The following FRMPD4 variants were observed in gnomAD, a reference collection of about 807,000 sequenced individuals.
FRMPD4 encodes the protein FERM and PDZ domain-containing protein 4.
FRMPD4 carries 22 observed loss-of-function variants against 94.1 expected under a neutral mutation model. That is an observed-to-expected ratio of 0.23 (90% CI 0.17 to 0.33). The LOEUF (loss-of-function observed/expected upper bound fraction) is 0.33, where lower values mean the gene tolerates loss of function less well. Among genes scored for constraint, FRMPD4 ranks in the 10% least tolerant of loss-of-function variants. The probability of loss-of-function intolerance (pLI) is 1.00; values close to 1 mark genes in which losing one functional copy is unlikely to be tolerated. For synonymous variants in FRMPD4, 631 were observed against 548.6 expected (o/e 1.15, Z -2.10); for missense variants, 1,111 against 1,339.9 (o/e 0.83, Z 2.67).
At chrX:12,197,405 T>G (rs1601687238) in intron 1 of FRMPD4, among the ~76,000 whole-genome samples, 1 of 112,013 alleles carries the variant, frequency 8.9e-6, no homozygotes, top group African/African-American at 3.2e-5. Context: ...TTTGGAAGCC[T>G]CCAGAAATAT....
At chrX:12,138,217 C>T (rs1334355716), upstream of FRMPD4, among the ~76,000 whole-genome samples, 2 of 112,708 alleles carry the variant, frequency 1.8e-5, no homozygotes, top group Non-Finnish European at 3.8e-5. Flanking sequence ...CCTCAATCAT[C>T]CCTGCTCCTT....
intron 1 of FRMPD4, among the ~76,000 whole-genome samples, chrX:12,267,875 A>G (rs2054297842): frequency 8.9e-6 from 1 of 112,637 alleles, no homozygotes; most frequent in African/African-American, 3.2e-5. Flanking sequence ...CTGACAAACA[A>G]CTAGTCTTTC....
chrX:12,264,107 G>A (rs6530496), intron 1 of FRMPD4, among the ~76,000 whole-genome samples: 2 of 110,681 alleles, frequency 1.8e-5, no homozygotes, highest in African/African-American at 6.6e-5. Context: ...AGAGTCAGTG[G>A]TGACTCTTGA....
At chrX:11,905,575 G>T (rs1315573454) in intron 3 of FRMPD4, among the ~76,000 whole-genome samples, 3 of 111,528 alleles carry the variant, frequency 2.7e-5, no homozygotes, top group Non-Finnish European at 3.8e-5. Flanking sequence ...AACAAGCATA[G>T]CCTATTAGAA....
At chrX:12,276,193 ACTTTT>A (rs2054432563) in intron 1 of FRMPD4, among the ~76,000 whole-genome samples, 1 of 112,582 alleles carries the variant, frequency 8.9e-6, no homozygotes, top group Non-Finnish European at 1.9e-5. Flanking sequence ...ATTAAACTTA[ACTTTT>A]CTTGTAGCTG....
intron 1 of FRMPD4, among the ~76,000 whole-genome samples, chrX:12,208,987 G>A (rs908761958): frequency 8.2e-5 from 9 of 110,400 alleles, no homozygotes; most frequent in African/African-American, 3.0e-4. Context: ...CTTTCAATAA[G>A]GTGATTAATT....
At chrX:12,327,037 G>A (rs1369833254) in intron 1 of FRMPD4, among the ~76,000 whole-genome samples, 1 of 111,344 alleles carries the variant, frequency 9.0e-6, no homozygotes, top group Non-Finnish European at 1.9e-5. Context: ...ACTTCTCCAG[G>A]ACCTGCAGCT....
chrX:12,167,243 G>A (rs759074166), intron 1 of FRMPD4, among the ~76,000 whole-genome samples: 1 of 111,754 alleles, frequency 8.9e-6, no homozygotes, highest in African/African-American at 3.2e-5. Context: ...AGAGATTCTG[G>A]TATGTTGTGT....
chrX:12,272,654 A>G (rs939461436), intron 1 of FRMPD4, among the ~76,000 whole-genome samples: 1 of 112,215 alleles, frequency 8.9e-6, no homozygotes, highest in African/African-American at 3.2e-5. Context: ...GAAATCTGTA[A>G]CAGTTCTTAA....
chrX:12,494,420 T>A (rs1427077231), intron 1 of FRMPD4, among the ~76,000 whole-genome samples: 3 of 112,153 alleles, frequency 2.7e-5, no homozygotes. Context: ...TTACAGGTGA[T>A]GAAAACAAGG....
chrX:12,389,649 C>G (rs1401445563), intron 1 of FRMPD4, among the ~76,000 whole-genome samples: 1 of 111,214 alleles, frequency 9.0e-6, no homozygotes, highest in Non-Finnish European at 1.9e-5. Flanking sequence ...TATAAATGGT[C>G]AATTTATGAT....
chrX:12,223,494 G>A (rs942223939), intron 1 of FRMPD4, among the ~76,000 whole-genome samples: 3 of 111,465 alleles, frequency 2.7e-5, no homozygotes, highest in African/African-American at 9.8e-5. Context: ...AAACTATCAC[G>A]TACTGTGCTC....
At chrX:12,432,846 C>T (rs1482128785) in intron 1 of FRMPD4, among the ~76,000 whole-genome samples, 1 of 112,303 alleles carries the variant, frequency 8.9e-6, no homozygotes, top group African/African-American at 3.2e-5. Context: ...AGCAATCCTC[C>T]AGCCTTGGCC....
intron 1 of FRMPD4, among the ~76,000 whole-genome samples, chrX:12,464,138 G>A (rs766148765): frequency 8.1e-5 from 9 of 111,742 alleles, no homozygotes; most frequent in Non-Finnish European, 1.9e-5. Flanking sequence ...TCTGAAGGAT[G>A]AAGCTGAAGT....
chrX:12,105,750 T>C (rs1041703391), intron 3 of FRMPD4, among the ~76,000 whole-genome samples: 8 of 112,078 alleles, frequency 7.1e-5, no homozygotes, highest in Admixed American at 4.7e-4. Context: ...TATTTATTTA[T>C]TGAGCTCCCT....
chrX:11,864,182 C>G (rs1040531487), intron 1 of FRMPD4, among the ~76,000 whole-genome samples: 2 of 110,226 alleles, frequency 1.8e-5, no homozygotes, highest in Non-Finnish European at 3.8e-5. Flanking sequence ...AAGTCACACA[C>G]ATTGCATGGA....
rs35377550 is a variant in FRMPD4 at position 11,987,098 on chromosome X, T to TAAAAAAAAAAAA, written c.95+109100_95+109111dup. On this transcript the variant is annotated intron_variant, in intron 3 of 18. Coordinates refer to the FRMPD4 transcript ENST00000640291. Reference sequence around the variant, plus strand: ...ATACCAAGACCAGGCAAAGACACATTAAAAAAAAAAAAAAAAAAAAAAAAA... The same window carrying TAAAAAAAAAAAA: ...ATACCAAGACCAGGCAAAGACACATTAAAAAAAAAAAAAAAAAAAAAAAAAAAAAAAAAAAAA... Among the ~76,000 whole-genome samples, 18 of 21,841 alleles carry TAAAAAAAAAAAA rather than the reference T, an allele frequency of 8.2e-4. 2 individuals carry two copies. Among genetic ancestry groups the TAAAAAAAAAAAA allele is most frequent in the African/African-American group, 2.3e-3 (7 of 3,094 alleles). 19.0% of individuals were successfully genotyped at this position (21,841 alleles called of 115,157 possible). A position where few individuals can be genotyped will look rare whatever the true frequency, so the allele number is the denominator to read the frequency against.
chrX:12,685,559 TTTTTTGTTTTTG>T (rs10687187), intron 6 of FRMPD4, among the ~76,000 whole-genome samples: 17 of 104,391 alleles, frequency 1.6e-4, no homozygotes, highest in South Asian at 4.4e-4. Context: ...TGGAGTTTTG[TTTTTTGTTTTTG>T]TTTTTGTTTT....
intron 1 of FRMPD4, among the ~76,000 whole-genome samples, chrX:11,832,190 G>C (rs1409103119): frequency 1.8e-5 from 2 of 111,507 alleles, no homozygotes; most frequent in Non-Finnish European, 3.8e-5. Context: ...ATGCCCATCT[G>C]TCTTGCAGGA....
Sources: allele counts gnomAD v4.1 joint callset (sites outside exome capture counted in the v4.1 genomes callset), GRCh38; gene constraint gnomAD v4.1.1; transcripts MANE v1.5; gene names NCBI Gene and HGNC (gene_info 2026-07-23, HGNC 2026-07-21).